Variants in RBMS3 observed in about 807,000 individuals in gnomAD.
RBMS3 encodes the protein RNA binding motif single stranded interacting protein 3, also known as RNA-binding motif, single-stranded-interacting protein 3.
In RBMS3, 27 loss-of-function variants were observed where a neutral mutation model predicts 66.8. That is an observed-to-expected ratio of 0.40 (90% CI 0.30 to 0.56). RBMS3 has a LOEUF of 0.56. Ranked by LOEUF, RBMS3 falls within the 20% of genes least tolerant of loss-of-function variation. RBMS3 has a pLI of 0.40. For missense variants in RBMS3, 513 were observed against 549.5 expected, an observed-to-expected ratio of 0.93 and a Z score of 0.66; for synonymous variants, 188 against 183.0, an observed-to-expected ratio of 1.03 and a Z score of -0.22.
intron 4 of RBMS3, among the ~76,000 whole-genome samples, chr3:29,691,931 T>TTCTC (rs146758867): frequency 0.02 from 2,313 of 114,794 alleles, 89 homozygotes; most frequent in African/African-American, 0.064. Context: ...TGTGTGACCC[T>TTCTC]TCTCTCTCTC....
intron 7 of RBMS3, chr3:29,880,831 G>T (rs925335316): frequency 2.6e-5 from 40 of 1,534,512 alleles, no homozygotes; most frequent in Non-Finnish European, 3.4e-5. Flanking sequence ...GGTGAATCTT[G>T]TATTCATTCC....
intron 4 of RBMS3, among the ~76,000 whole-genome samples, chr3:29,712,802 G>GGTTCAA (rs2053230933): frequency 6.6e-6 from 1 of 152,084 alleles, no homozygotes; most frequent in Non-Finnish European, 1.5e-5. Context: ...TCAAACTTCA[G>GGTTCAA]ACTCTGAGAC....
At chr3:29,656,523 G>A (rs757652585) in intron 4 of RBMS3, among the ~76,000 whole-genome samples, 2 of 152,160 alleles carry the variant, frequency 1.3e-5, no homozygotes, top group African/African-American at 2.4e-5. Context: ...ACCTAATGAT[G>A]CATGTGTTAG....
intron 3 of RBMS3, among the ~76,000 whole-genome samples, chr3:29,525,854 C>A (rs998240563): frequency 6.6e-6 from 1 of 152,082 alleles, no homozygotes; most frequent in Non-Finnish European, 1.5e-5. Context: ...TCTTTGAGGG[C>A]ATTTTAGTAT....
At chr3:29,761,731 T>C (rs2055698159) in intron 5 of RBMS3, among the ~76,000 whole-genome samples, 1 of 152,116 alleles carries the variant, frequency 6.6e-6, no homozygotes, top group African/African-American at 2.4e-5. Flanking sequence ...GGACATAAAA[T>C]TTAGATGTAG....
intron 4 of RBMS3, among the ~76,000 whole-genome samples, chr3:29,642,112 T>C (rs1051077874): frequency 2.0e-5 from 3 of 152,072 alleles, no homozygotes; most frequent in Non-Finnish European, 4.4e-5. Flanking sequence ...CTGCTGATAT[T>C]TTACAACTTT....
At chr3:29,616,581 A>G (rs1394327465) in intron 4 of RBMS3, 1 of 152,224 alleles carries the variant, frequency 6.6e-6, no homozygotes, top group Non-Finnish European at 1.5e-5. Context: ...TATTTCTGTC[A>G]CCCCCAAATG....
At chr3:29,361,308 G>C (rs933851768) in intron 1 of RBMS3, among the ~76,000 whole-genome samples, 17 of 151,410 alleles carry the variant, frequency 1.1e-4, no homozygotes, top group African/African-American at 4.2e-4. Flanking sequence ...CACTTATGAA[G>C]CTTAGTTTGG....
At chr3:29,500,086 A>G (rs1430899049) in intron 3 of RBMS3, among the ~76,000 whole-genome samples, 1 of 151,686 alleles carries the variant, frequency 6.6e-6, no homozygotes, top group Non-Finnish European at 1.5e-5. Flanking sequence ...TTTTGTAAAA[A>G]AGAAGAATTA....
intron 5 of RBMS3, among the ~76,000 whole-genome samples, chr3:29,750,459 T>C (rs1323189867): frequency 6.6e-6 from 1 of 152,212 alleles, no homozygotes; most frequent in African/African-American, 2.4e-5. Flanking sequence ...TTATGTCTGA[T>C]AGCATATATC....
rs531755250 is a variant in RBMS3, at chr3:29,968,251, T to C, written c.1099-19892T>C. 2.6e-5 allele frequency among the ~76,000 whole-genome samples: 4 copies of C among 152,276 alleles called. No homozygotes were observed. The East Asian group carries it at 7.7e-4, about 29-fold the overall frequency. On this transcript the variant is annotated intron_variant, in intron 12 of 14. Transcript: ENST00000383767. Reference sequence around the variant, plus strand: ...TGGAGGGCGAGACAGGCTTGAAAACTTGCCCGAGGCTTTCTGCCTCCCAGC... The same window carrying C: ...TGGAGGGCGAGACAGGCTTGAAAACCTGCCCGAGGCTTTCTGCCTCCCAGC...
intron 7 of RBMS3, chr3:29,880,725 T>A: frequency 6.7e-7 from 1 of 1,482,578 alleles, no homozygotes; most frequent in Non-Finnish European, 9.1e-7. Context: ...TTACCCACAA[T>A]GTTCCAAATG....
At chr3:29,569,306 G>C (rs2046855287) in intron 3 of RBMS3, among the ~76,000 whole-genome samples, 1 of 152,020 alleles carries the variant, frequency 6.6e-6, no homozygotes, top group Non-Finnish European at 1.5e-5. Context: ...CTAGAGGAGA[G>C]ATTTCCTCTG....
chr3:29,907,792 T>TA (rs960603074), intron 10 of RBMS3, among the ~76,000 whole-genome samples: 7 of 152,078 alleles, frequency 4.6e-5, no homozygotes, highest in Non-Finnish European at 7.4e-5. Context: ...TAAATAGCAT[T>TA]AAAAAAATCT....
intron 12 of RBMS3, among the ~76,000 whole-genome samples, chr3:29,960,024 A>G (rs1696318890): frequency 6.6e-6 from 1 of 152,142 alleles, no homozygotes; most frequent in African/African-American, 2.4e-5. Flanking sequence ...TGCCTTTCCA[A>G]CAGTCCTCCA....
At chr3:29,529,063 T>G (rs1194113300) in intron 3 of RBMS3, among the ~76,000 whole-genome samples, 2 of 152,178 alleles carry the variant, frequency 1.3e-5, no homozygotes, top group Admixed American at 6.5e-5. Flanking sequence ...TTCTAGAAAT[T>G]GTTTTAGTGG....
At chr3:29,527,850 G>T (rs574992936) in intron 3 of RBMS3, among the ~76,000 whole-genome samples, 14 of 138,580 alleles carry the variant, frequency 1.0e-4, no homozygotes, top group African/African-American at 3.3e-4. Context: ...GTGTCCAAGT[G>T]TTCTCATTGT....
intron 12 of RBMS3, among the ~76,000 whole-genome samples, chr3:29,947,662 T>C (rs1695411364): frequency 6.6e-6 from 1 of 151,432 alleles, no homozygotes; most frequent in Non-Finnish European, 1.5e-5. Flanking sequence ...AGTATTTCTT[T>C]TCCATAACAA....
chr3:29,840,732 G>A (rs970134788), intron 6 of RBMS3, among the ~76,000 whole-genome samples: 2 of 151,934 alleles, frequency 1.3e-5, no homozygotes, highest in African/African-American at 4.8e-5. Context: ...TTTAATGAAT[G>A]TACCATATTT....
Sources: allele counts gnomAD v4.1 joint callset (sites outside exome capture counted in the v4.1 genomes callset), GRCh38; gene constraint gnomAD v4.1.1; transcripts MANE v1.5; gene names NCBI Gene and HGNC (gene_info 2026-07-23, HGNC 2026-07-21).